PRPSAP1: variants seen among roughly 807,000 people sequenced by gnomAD.
PRPSAP1 encodes phosphoribosyl pyrophosphate synthase-associated protein 1.
PRPSAP1 carries 31 observed loss-of-function variants against 39.4 expected under a neutral mutation model. The ratio of observed to expected loss-of-function variants is 0.79; its 90% CI spans 0.59 to 1.06. The LOEUF is 1.06. PRPSAP1 is among the 50% of genes least tolerant of loss of function. The pLI is 0.00. For missense variants in PRPSAP1, 430 were observed against 511.6 expected (o/e 0.84, Z 1.54); for synonymous variants, 212 against 192.6 (o/e 1.10, Z -0.83).
At chr17:76,319,996 A>G (rs912811146) in intron 7 of PRPSAP1, among the ~76,000 whole-genome samples, 3 of 151,514 alleles carry the variant, frequency 2.0e-5, no homozygotes, top group Non-Finnish European at 4.4e-5. Flanking sequence ...TAGGCTGGGC[A>G]TGGTGGCTCA....
chr17:76,346,799 G>A (rs919782242), intron 2 of PRPSAP1, among the ~76,000 whole-genome samples: 2 of 152,158 alleles, frequency 1.3e-5, no homozygotes, highest in African/African-American at 4.8e-5. Context: ...GGGAGGCTGA[G>A]GCAGGAGAAT....
chr17:76,314,219 T>C, intron 7 of PRPSAP1: 2 of 291,706 alleles, frequency 6.9e-6, no homozygotes, highest in South Asian at 3.5e-5. Flanking sequence ...TATGTATGTA[T>C]GTATGTATGT....
At chr17:76,341,458 C>T (rs1405683598) in intron 3 of PRPSAP1, among the ~76,000 whole-genome samples, 16 of 152,098 alleles carry the variant, frequency 1.1e-4, no homozygotes, top group Non-Finnish European at 5.9e-5. Context: ...CAGGCTGTTC[C>T]CAAGCCATCT....
chr17:76,338,803 G>A (rs2071405386), intron 3 of PRPSAP1, among the ~76,000 whole-genome samples: 1 of 152,050 alleles, frequency 6.6e-6, no homozygotes, highest in Admixed American at 6.6e-5. Flanking sequence ...GGAGGCCGAG[G>A]TGGATGGATC....
chr17:76,343,975 C>G (rs975776019), intron 3 of PRPSAP1, among the ~76,000 whole-genome samples: 4 of 151,962 alleles, frequency 2.6e-5, no homozygotes, highest in Admixed American at 2.6e-4. Flanking sequence ...TTTGGTGAGA[C>G]AGTCTCACTC....
chr17:76,338,926 G>A (rs563723126), intron 3 of PRPSAP1, among the ~76,000 whole-genome samples: 35 of 151,476 alleles, frequency 2.3e-4, no homozygotes, highest in African/African-American at 7.5e-4. Flanking sequence ...CCAGCTACTC[G>A]GGAGGCTCAG....
At chr17:76,314,833 C>T (rs2071106236) in intron 7 of PRPSAP1, 2 of 152,236 alleles carry the variant, frequency 1.3e-5, no homozygotes, top group South Asian at 4.1e-4. Context: ...AAGATTCTGC[C>T]AACACGGAGA....
upstream of PRPSAP1, chr17:76,354,016 C>A (rs983892646): frequency 1.7e-6 from 2 of 1,166,784 alleles, no homozygotes; most frequent in African/African-American, 3.2e-5. Flanking sequence ...TCTCTAAAAG[C>A]CTGTTCTTCC....
intron 4 of PRPSAP1, among the ~76,000 whole-genome samples, chr17:76,331,786 C>G (rs905308538): frequency 2.6e-5 from 4 of 152,048 alleles, no homozygotes; most frequent in Admixed American, 6.6e-5. Context: ...CATTGATTTA[C>G]AGGCCAGAAA....
In PRPSAP1 at chr17:76,309,653, AT is replaced by A. The variant is rs1204811244; in HGVS notation, c.*1888del. Reference sequence around the variant, plus strand: ...TGAACACGTACAGATTCCTGTCATGATTCTCTAAATAATACAGCATGACCAC... The same window carrying A: ...TGAACACGTACAGATTCCTGTCATGATCTCTAAATAATACAGCATGACCAC... On this transcript the variant is annotated 3_prime_UTR_variant, in exon 10 of 10. Transcript: ENST00000446526. The A allele has an allele frequency of 6.6e-6, 1 of 152,186 alleles. No homozygotes were observed. The highest frequency in any genetic ancestry group is 1.9e-4 in the East Asian group (1 of 5,188). The allele number at this position is 152,186 out of a possible 1,614,324, so 9.4% of individuals were successfully genotyped here.
At chr17:76,338,001 T>G (rs1449261900) in intron 3 of PRPSAP1, among the ~76,000 whole-genome samples, 4 of 151,080 alleles carry the variant, frequency 2.6e-5, no homozygotes, top group African/African-American at 9.8e-5. Context: ...CTTCATAAGC[T>G]TCATATTTTA....
chr17:76,326,847 AAG>A (rs930437890), intron 7 of PRPSAP1, among the ~76,000 whole-genome samples: 8 of 152,128 alleles, frequency 5.3e-5, no homozygotes, highest in Non-Finnish European at 1.2e-4. Context: ...CTGGTTATAT[AAG>A]AGTCTTTTGT....
rs2071534626 is a variant in PRPSAP1 at position 76,348,524 on chromosome 17, C to T, written c.223+5G>A. On this transcript the variant is annotated splice_donor_5th_base_variant and intron_variant, in intron 2 of 9. Transcript: ENST00000446526. ...TTTTAAAAAAAAGAAATAATTTTAA[C>T]TTACCTCCATTGGTCTCTTGATATA... 7.6e-6 allele frequency: 11 copies of T among 1,438,222 alleles called. No individual in the cohort carries two copies. The South Asian group carries it at 1.7e-4, about 23-fold the overall frequency. 89.1% of individuals were successfully genotyped at this position (1,438,222 alleles called of 1,614,324 possible).
chr17:76,340,820 G>C (rs1427700387), intron 3 of PRPSAP1, among the ~76,000 whole-genome samples: 1 of 151,652 alleles, frequency 6.6e-6, no homozygotes, highest in Non-Finnish European at 1.5e-5. Context: ...AACCTGGGAG[G>C]CGGGGGTTGT....
In PRPSAP1 at chr17:76,341,796, G is replaced by A. The variant is rs369040220; in HGVS notation, c.290+2875C>T. Among the ~76,000 whole-genome samples, 258 of 152,140 alleles carry A rather than the reference G, an allele frequency of 1.7e-3. 2 individuals carry two copies. The South Asian group carries it at 0.023, about 14-fold the overall frequency. ...CTACTAAAAATACAAAAAATTAGCCGGGCGTGGTGGTGGGCGCCTGTAGTC... is the reference window on the plus strand; with the variant it reads ...CTACTAAAAATACAAAAAATTAGCCAGGCGTGGTGGTGGGCGCCTGTAGTC... On this transcript the variant is annotated intron_variant, in intron 3 of 9. Coordinates refer to ENST00000446526, the MANE Select transcript of PRPSAP1 (RefSeq NM_002766.3).
chr17:76,312,682 TA>T, intron 9 of PRPSAP1, 187 bp downstream of exon 9: 1 of 591,332 alleles, frequency 1.7e-6, no homozygotes, highest in Non-Finnish European at 2.7e-6. Flanking sequence ...CAAAAACTTC[TA>T]AGTTGAACCA....
chr17:76,333,737 G>A (rs559400660), intron 3 of PRPSAP1, among the ~76,000 whole-genome samples: 3 of 152,210 alleles, frequency 2.0e-5, no homozygotes, highest in African/African-American at 7.2e-5. Context: ...TACCCAGAGA[G>A]ACAAAAAATG....
chr17:76,336,169 G>A (rs557692752), intron 3 of PRPSAP1, among the ~76,000 whole-genome samples: 16 of 152,296 alleles, frequency 1.1e-4, no homozygotes, highest in African/African-American at 3.1e-4. Flanking sequence ...TTTCTGGGCC[G>A]GACGCGGTGG....
intron 3 of PRPSAP1, among the ~76,000 whole-genome samples, chr17:76,340,481 T>C (rs889098518): frequency 1.4e-5 from 2 of 147,598 alleles, no homozygotes; most frequent in African/African-American, 5.3e-5. Context: ...TGTTAAATAC[T>C]TATATTGAGC....
Sources: allele counts gnomAD v4.1 joint callset (sites outside exome capture counted in the v4.1 genomes callset), GRCh38; gene constraint gnomAD v4.1.1; transcripts MANE v1.5; gene names NCBI Gene and HGNC (gene_info 2026-07-23, HGNC 2026-07-21).